The following LRRN2 variants were observed in gnomAD, a reference collection of about 807,000 sequenced individuals.
LRRN2 encodes leucine rich repeat neuronal 2.
Under a neutral mutation model 35.7 loss-of-function variants are expected in LRRN2, and 10 were observed. The observed-to-expected ratio is 0.28, with a 90% CI of 0.17 to 0.47. LRRN2 has a LOEUF of 0.47. Among genes scored for constraint, LRRN2 ranks in the 20% least tolerant of loss-of-function variants. The pLI is 0.99. For synonymous variants in LRRN2, 391 were observed against 409.6 expected, an observed-to-expected ratio of 0.95 and a Z score of 0.55; for missense variants, 731 against 940.3, an observed-to-expected ratio of 0.78 and a Z score of 2.91.
intron 1 of LRRN2, among the ~76,000 whole-genome samples, chr1:204,666,093 AG>A (rs1417431823): frequency 6.6e-6 from 1 of 152,264 alleles, no homozygotes; most frequent in East Asian, 1.9e-4. Context: ...TACTATGAAA[AG>A]ATGGCATATA....
chr1:204,620,051 G>A lies in LRRN2; in HGVS notation c.-59C>T, dbSNP rs541187445. On this transcript the variant is annotated 5_prime_UTR_variant, in exon 2 of 2. Coordinates refer to ENST00000367177, the MANE Select transcript of LRRN2 (RefSeq NM_201630.2). ...AAGAGTCTGGAGTCCTGCTCTTTGT[G>A]TTTTGCAGGGTAAGGGTCAGCAACC... is the stretch of plus-strand genomic sequence containing the variant. The A allele has an allele frequency of 4.5e-6, 7 of 1,543,730 alleles. No individual in the cohort carries two copies. The highest frequency in any genetic ancestry group is 1.2e-5 in the South Asian group (1 of 81,438).
chr1:204,623,469 TG>T lies in LRRN2; in HGVS notation c.-226-3252del, dbSNP rs544735709. ...GCCTCGGGATCCAGAGGCAGTGACT[TG>T]ATGACTCATGTTCACACTGCACCTC... On this transcript the variant is annotated intron_variant, in intron 1 of 1. Coordinates refer to ENST00000367177, the MANE Select transcript of LRRN2 (RefSeq NM_201630.2). 4.6e-5 allele frequency among the ~76,000 whole-genome samples: 7 copies of T among 152,268 alleles called. No homozygotes were observed. The South Asian group carries it at 1.5e-3, about 32-fold the overall frequency.
At position 204,617,710 on chromosome 1, in the gene LRRN2, C is replaced by T; in HGVS notation, c.*141G>A. ...AGAAGCACCCCCAGGGCCACAAAGCCCCATCTGTCTTGGCCCAGCTGCCAG... is the reference window on the plus strand; with the variant it reads ...AGAAGCACCCCCAGGGCCACAAAGCTCCATCTGTCTTGGCCCAGCTGCCAG... On this transcript the variant is annotated 3_prime_UTR_variant, in exon 2 of 2. Transcript: ENST00000367177. The T allele has an allele frequency of 1.1e-6, 1 of 946,398 alleles. No homozygotes were observed. The highest frequency in any genetic ancestry group is 1.6e-5 in the South Asian group (1 of 64,164). The allele number at this position is 946,398 out of a possible 1,614,324, so 58.6% of individuals were successfully genotyped here. A position where few individuals can be genotyped will look rare whatever the true frequency, so the allele number is the denominator to read the frequency against.
intron 1 of LRRN2, among the ~76,000 whole-genome samples, chr1:204,644,746 C>T (rs1668063174): frequency 6.6e-6 from 1 of 152,216 alleles, no homozygotes; most frequent in Non-Finnish European, 1.5e-5. Context: ...AGCATCCCCT[C>T]ACTTGGCATA....
At chr1:204,626,222 C>T (rs530323525) in intron 1 of LRRN2, among the ~76,000 whole-genome samples, 3 of 152,222 alleles carry the variant, frequency 2.0e-5, no homozygotes, top group African/African-American at 7.2e-5. Context: ...TCAGCACCAC[C>T]GTCCACCAAA....
chr1:204,657,015 G>C (rs1668370596), intron 1 of LRRN2, among the ~76,000 whole-genome samples: 1 of 152,058 alleles, frequency 6.6e-6, no homozygotes, highest in African/African-American at 2.4e-5. Flanking sequence ...AAAAAAATAT[G>C]GTATATCTGA....
chr1:204,684,634 T>C (rs1558426784), intron 1 of LRRN2, among the ~76,000 whole-genome samples: 1 of 152,108 alleles, frequency 6.6e-6, no homozygotes, highest in African/African-American at 2.4e-5. Flanking sequence ...TCCTGGGTCC[T>C]GCGGTGGGCT....
rs916851166 is a variant in LRRN2 at position 204,663,657 on chromosome 1, A to G, written c.-227+21663T>C. On this transcript the variant is annotated intron_variant, in intron 1 of 1. Coordinates refer to ENST00000367177, the MANE Select transcript of LRRN2 (RefSeq NM_201630.2). Reference sequence around the variant, plus strand: ...TCAGTGGCACTCAAGTCATCACAGCACACTCCAAGCACAAGAGGAAATGCT... The same window carrying G: ...TCAGTGGCACTCAAGTCATCACAGCGCACTCCAAGCACAAGAGGAAATGCT... Among the ~76,000 whole-genome samples, 4 of 152,148 alleles carry G rather than the reference A, an allele frequency of 2.6e-5. No homozygotes were observed. In the South Asian group the frequency reaches 8.3e-4, roughly 31 times the overall value.
rs143091335 is a variant in LRRN2, at chr1:204,633,802, T to C, written c.-226-13584A>G. On this transcript the variant is annotated intron_variant, in intron 1 of 1. Transcript: ENST00000367177. ...CAAGCCTGGAATAGAATGAGGAGAT[T>C]TCCAGTTGACTTATTCAAGCTCCGT... is the stretch of plus-strand genomic sequence containing the variant. Among the ~76,000 whole-genome samples, 694 of 152,332 alleles carry C rather than the reference T, an allele frequency of 4.6e-3. 3 individuals are homozygous for C. Among genetic ancestry groups the C allele is most frequent in the Middle Eastern group, 6.8e-3 (2 of 294 alleles).
intron 1 of LRRN2, among the ~76,000 whole-genome samples, chr1:204,656,058 C>T (rs1166788642): frequency 2.0e-5 from 3 of 150,482 alleles, no homozygotes; most frequent in Non-Finnish European, 4.4e-5. Flanking sequence ...TACAGGCGCC[C>T]GCCACCACGC....
intron 1 of LRRN2, among the ~76,000 whole-genome samples, chr1:204,637,211 T>A (rs1028725585): frequency 5.3e-5 from 8 of 152,218 alleles, no homozygotes; most frequent in Non-Finnish European, 4.4e-5. Context: ...GACTGAGAAC[T>A]ATTACTTCTG....
intron 1 of LRRN2, among the ~76,000 whole-genome samples, chr1:204,625,468 G>A (rs1667271527): frequency 6.6e-6 from 1 of 151,898 alleles, no homozygotes; most frequent in Admixed American, 6.6e-5. Context: ...AAAAAATATT[G>A]TTGAGGTATA....
At chr1:204,684,933 C>T (rs1025187006) in intron 1 of LRRN2, among the ~76,000 whole-genome samples, 4 of 152,222 alleles carry the variant, frequency 2.6e-5, no homozygotes, top group African/African-American at 9.6e-5. Context: ...ACTGCCACCT[C>T]TCGGCTCCTC....
intron 1 of LRRN2, among the ~76,000 whole-genome samples, chr1:204,677,528 C>T (rs749939853): frequency 6.6e-6 from 1 of 152,156 alleles, no homozygotes; most frequent in Non-Finnish European, 1.5e-5. Context: ...TCTGAAACGA[C>T]CAGGAATGTT....
chr1:204,618,120 A>G lies in LRRN2; in HGVS notation c.1873T>C (p.Leu625=). ...GCAATGAGCCCAGGACGGTCCCCTAAGGCTCTGTGGCAAGAAGTGGCCTCT... is the reference window on the plus strand; with the variant it reads ...GCAATGAGCCCAGGACGGTCCCCTAGGGCTCTGTGGCAAGAAGTGGCCTCT... The part of the protein sequence containing the change: ...TKEATSCHRA[L]GDRPGLIAIL... Residue 625 remains leucine, a synonymous_variant, in exon 2 of 2, where the codon TTA becomes CTA. Transcript: ENST00000367177. 1.2e-6 allele frequency: 2 copies of G among 1,614,120 alleles called. No individual in the cohort carries two copies. Among genetic ancestry groups the G allele is most frequent in the Non-Finnish European group, 1.7e-6 (2 of 1,179,980 alleles).
chr1:204,669,012 T>C (rs1668649229), intron 1 of LRRN2, among the ~76,000 whole-genome samples: 1 of 152,170 alleles, frequency 6.6e-6, no homozygotes, highest in Non-Finnish European at 1.5e-5. Flanking sequence ...TTTGTAGAGA[T>C]GGGGTCTCAC....
intron 1 of LRRN2, among the ~76,000 whole-genome samples, chr1:204,678,442 C>T (rs6703308): frequency 5.5e-4 from 83 of 152,254 alleles, no homozygotes; most frequent in African/African-American, 1.9e-3. Context: ...GGATGGCCAA[C>T]GACCAGTGGT....
chr1:204,643,335 T>G (rs11240236), intron 1 of LRRN2, among the ~76,000 whole-genome samples: 82,213 of 151,974 alleles, frequency 0.54, 23,581 homozygotes, highest in East Asian at 0.68. Context: ...ACATGTTTGT[T>G]TGTGAATGTG....
rs560678456 is a variant in LRRN2 at position 204,678,148 on chromosome 1, T to C, written c.-227+7172A>G. ...GTTCTGATAACATTTATAGTCTAAATCACACAGTTTAGCACTCGGTTTTAA... is the reference window on the plus strand; with the variant it reads ...GTTCTGATAACATTTATAGTCTAAACCACACAGTTTAGCACTCGGTTTTAA... On this transcript the variant is annotated intron_variant, in intron 1 of 1. Coordinates refer to ENST00000367177, the MANE Select transcript of LRRN2 (RefSeq NM_201630.2). Among the ~76,000 whole-genome samples, 12 of 152,344 alleles carry C rather than the reference T, an allele frequency of 7.9e-5. No homozygotes were observed. The East Asian group carries it at 2.3e-3, about 29-fold the overall frequency.
Sources: allele counts gnomAD v4.1 joint callset (sites outside exome capture counted in the v4.1 genomes callset), GRCh38; gene constraint gnomAD v4.1.1; transcripts MANE v1.5; gene names NCBI Gene and HGNC (gene_info 2026-07-23, HGNC 2026-07-21).